The following IGF2BP2 variants were observed in gnomAD, a reference collection of about 807,000 sequenced individuals.
IGF2BP2 encodes insulin-like growth factor 2 mRNA-binding protein 2.
A neutral mutation model predicts 75.8 loss-of-function variants in IGF2BP2; 17 were observed. The observed-to-expected ratio is 0.22, with a 90% confidence interval of 0.15 to 0.34. The LOEUF (loss-of-function observed/expected upper bound fraction) is 0.34, where lower values mean the gene tolerates loss of function less well. IGF2BP2 is among the 10% of genes least tolerant of loss of function. The pLI is 1.00. For missense variants in IGF2BP2, 516 were observed against 772.4 expected, an observed-to-expected ratio of 0.67 and a Z score of 3.93; for synonymous variants, 288 against 295.6, an observed-to-expected ratio of 0.97 and a Z score of 0.26.
chr3:185,820,403 A>G (rs1741221770), intron 2 of IGF2BP2, among the ~76,000 whole-genome samples: 1 of 152,040 alleles, frequency 6.6e-6, no homozygotes, highest in South Asian at 2.1e-4. Context: ...CATATGTACT[A>G]CCAAGAAATA....
At chr3:185,787,856 C>T (rs1190688066) in intron 2 of IGF2BP2, among the ~76,000 whole-genome samples, 1 of 152,176 alleles carries the variant, frequency 6.6e-6, no homozygotes, top group African/African-American at 2.4e-5. Context: ...ACTCCTTTCA[C>T]TTATTTTCTC....
At chr3:185,815,630 C>G (rs758607464) in intron 2 of IGF2BP2, among the ~76,000 whole-genome samples, 1 of 152,160 alleles carries the variant, frequency 6.6e-6, no homozygotes, top group African/African-American at 2.4e-5. Flanking sequence ...TTCCTCTCCC[C>G]CATCTCCTGA....
In IGF2BP2 at chr3:185,665,483, AG is replaced by A. The variant is rs1352260918; in HGVS notation, c.1200+7057del. On this transcript the variant is annotated intron_variant, in intron 10 of 15. Transcript: ENST00000382199. ...AAGAAGAAGAAGAAGAAGGAGAAGA[AG>A]GAGGAGAAGGAGGAGGAGAAGGAGG... Among the ~76,000 whole-genome samples, 76 of 73,658 alleles carry A rather than the reference AG, an allele frequency of 1.0e-3. 1 individual carries two copies. The highest frequency in any genetic ancestry group is 1.6e-3 in the Admixed American group (14 of 8,590). 48.3% of individuals were successfully genotyped at this position (73,658 alleles called of 152,430 possible).
intron 2 of IGF2BP2, among the ~76,000 whole-genome samples, chr3:185,714,255 A>G (rs943749023): frequency 1.3e-5 from 2 of 152,040 alleles, no homozygotes; most frequent in Non-Finnish European, 2.9e-5. Flanking sequence ...CAGCTGTATA[A>G]TATTCAGTTT....
chr3:185,716,552 A>G (rs756603910), intron 2 of IGF2BP2: 3 of 519,972 alleles, frequency 5.8e-6, no homozygotes, highest in Non-Finnish European at 1.2e-5. Flanking sequence ...AGATGCCAAG[A>G]CTGCTGGGCT....
intron 2 of IGF2BP2, among the ~76,000 whole-genome samples, chr3:185,803,499 C>T (rs1012470202): frequency 6.6e-6 from 1 of 152,162 alleles, no homozygotes; most frequent in Non-Finnish European, 1.5e-5. Context: ...GTTATTTTCA[C>T]TTTCTGTTGA....
At chr3:185,696,590 A>G in intron 4 of IGF2BP2, 22 bp downstream of exon 4, 1 of 1,609,284 alleles carries the variant, frequency 6.2e-7, no homozygotes, top group Non-Finnish European at 8.5e-7. Context: ...TCCAAAACCC[A>G]AAAGGCTTCC....
At chr3:185,823,384 G>A (rs1243546055) in intron 1 of IGF2BP2, 171 bp from the exon 2 acceptor site, 2 of 491,592 alleles carry the variant, frequency 4.1e-6, no homozygotes, top group South Asian at 3.9e-5. Flanking sequence ...AGAAAGGTGG[G>A]CGCCCCGTGT....
At chr3:185,811,109 CAG>C (rs1739758357) in intron 2 of IGF2BP2, among the ~76,000 whole-genome samples, 1 of 151,834 alleles carries the variant, frequency 6.6e-6, no homozygotes, top group African/African-American at 2.4e-5. Flanking sequence ...TTTGATATAA[CAG>C]AAACACAATA....
At chr3:185,763,665 C>T (rs1403982072) in intron 2 of IGF2BP2, among the ~76,000 whole-genome samples, 2 of 152,148 alleles carry the variant, frequency 1.3e-5, no homozygotes, top group African/African-American at 2.4e-5. Flanking sequence ...TAAATAACAC[C>T]ACCATATAGA....
At chr3:185,675,068 C>A in intron 9 of IGF2BP2, 1 of 222,076 alleles carries the variant, frequency 4.5e-6, no homozygotes, top group Non-Finnish European at 8.1e-6. Flanking sequence ...ATATCATAAG[C>A]TTTTCCTTAT....
intron 2 of IGF2BP2, among the ~76,000 whole-genome samples, chr3:185,800,670 G>T (rs1353929650): frequency 2.0e-5 from 3 of 147,558 alleles, no homozygotes; most frequent in Non-Finnish European, 3.0e-5. Flanking sequence ...CCAGGAGGCG[G>T]AGGTTGCAGT....
intron 2 of IGF2BP2, among the ~76,000 whole-genome samples, chr3:185,790,704 T>C (rs984428059): frequency 1.3e-5 from 2 of 152,222 alleles, no homozygotes; most frequent in African/African-American, 4.8e-5. Flanking sequence ...AGAAACAGTA[T>C]GCATCTGAAT....
At chr3:185,800,966 C>T (rs1486520163) in intron 2 of IGF2BP2, among the ~76,000 whole-genome samples, 1 of 149,038 alleles carries the variant, frequency 6.7e-6, no homozygotes, top group Non-Finnish European at 1.5e-5. Context: ...AACCACCTGA[C>T]AAAGGTCTAA....
Position 185,698,345 on chromosome 3 carries a change from C to T in IGF2BP2, c.242G>A (p.Ser81Asn). 2 of 1,613,892 alleles carry T rather than the reference C, an allele frequency of 1.2e-6. No individual in the cohort carries two copies. The highest frequency in any genetic ancestry group is 1.7e-6 in the Non-Finnish European group (2 of 1,179,800). ...VDYSVSKKLR[S>N]RKIQIRNIPP... ...GATGTTTCGAATCTGAATTTTCCTG[C>T]TCCTGTAAAGATAAAACCACAGACT... The change falls in exon 3 of 16, where the codon AGC becomes AAC. Residue 81 changes from serine to asparagine, a missense_variant and splice_region_variant. Coordinates refer to ENST00000382199, the MANE Select transcript of IGF2BP2 (RefSeq NM_006548.6).
intron 2 of IGF2BP2, among the ~76,000 whole-genome samples, chr3:185,754,680 C>A (rs142656518): frequency 4.3e-4 from 65 of 152,240 alleles, no homozygotes; most frequent in African/African-American, 1.5e-3. Context: ...CTGATGAGGT[C>A]TCAGGTGGAA....
chr3:185,683,256 T>C (rs748083119), intron 7 of IGF2BP2, among the ~76,000 whole-genome samples: 3 of 152,136 alleles, frequency 2.0e-5, no homozygotes, highest in African/African-American at 2.4e-5. Flanking sequence ...TAGAAAGAAG[T>C]GGTGATTACC....
intron 2 of IGF2BP2, among the ~76,000 whole-genome samples, chr3:185,814,283 C>G (rs1740312305): frequency 6.6e-6 from 1 of 152,098 alleles, no homozygotes; most frequent in African/African-American, 2.4e-5. Flanking sequence ...ACCTCTGACT[C>G]TCTTAAATAA....
intron 2 of IGF2BP2, among the ~76,000 whole-genome samples, chr3:185,798,697 G>GT (rs1374771525): frequency 9.9e-5 from 15 of 151,962 alleles, no homozygotes; most frequent in Non-Finnish European, 8.8e-5. Context: ...TTACGAGGGA[G>GT]TTTTTTATTA....
Sources: allele counts gnomAD v4.1 joint callset (sites outside exome capture counted in the v4.1 genomes callset), GRCh38; gene constraint gnomAD v4.1.1; transcripts MANE v1.5; gene names NCBI Gene and HGNC (gene_info 2026-07-23, HGNC 2026-07-21).